The following LINGO2 variants were observed in gnomAD, a reference collection of about 807,000 sequenced individuals.
The protein encoded by LINGO2 is leucine-rich repeat and immunoglobulin-like domain-containing nogo receptor-interacting protein 2.
In LINGO2, 14 loss-of-function variants were observed where a neutral mutation model predicts 30.6. The observed-to-expected ratio is 0.46, with a 90% CI of 0.30 to 0.72. The LOEUF (loss-of-function observed/expected upper bound fraction) is 0.72. Among genes scored for constraint, LINGO2 ranks in the 30% least tolerant of loss-of-function variants. LINGO2 has a pLI of 0.07. For missense variants in LINGO2, 729 were observed against 751.7 expected, an observed-to-expected ratio of 0.97 and a Z score of 0.35; for synonymous variants, 317 against 288.5, an observed-to-expected ratio of 1.10 and a Z score of -1.00.
intron 4 of LINGO2, among the ~76,000 whole-genome samples, chr9:28,165,907 G>A (rs1828414367): frequency 6.6e-6 from 1 of 152,108 alleles, no homozygotes; most frequent in Non-Finnish European, 1.5e-5. Flanking sequence ...AAAGAGAAAA[G>A]GGGAGCTAAA....
At chr9:27,989,632 G>A (rs1414823230) in intron 5 of LINGO2, among the ~76,000 whole-genome samples, 2 of 151,922 alleles carry the variant, frequency 1.3e-5, no homozygotes. Flanking sequence ...ACTGCATTAT[G>A]ATTATGCACA....
At chr9:29,062,994 C>T in the LINGO2 span, among the ~76,000 whole-genome samples, 1 of 152,114 alleles carries the variant, frequency 6.6e-6, no homozygotes, top group Non-Finnish European at 1.5e-5. Flanking sequence ...CCCTACTGGA[C>T]ATCCTATATA....
intron 1 of LINGO2, among the ~76,000 whole-genome samples, chr9:28,555,866 C>A (rs1315682453): frequency 6.6e-6 from 1 of 152,002 alleles, no homozygotes; most frequent in African/African-American, 2.4e-5. Flanking sequence ...TAAATGTAAT[C>A]CAGCATATAA....
the LINGO2 span, among the ~76,000 whole-genome samples, chr9:28,788,110 G>T: frequency 6.6e-6 from 1 of 152,038 alleles, no homozygotes. Flanking sequence ...AAAGTGAAAA[G>T]ATATCACAAA....
chr9:28,694,346 T>C, the LINGO2 span, among the ~76,000 whole-genome samples: 4 of 152,020 alleles, frequency 2.6e-5, no homozygotes, highest in African/African-American at 9.7e-5. Context: ...TAATTCCTGG[T>C]TCATAAGTCA....
the LINGO2 span, among the ~76,000 whole-genome samples, chr9:28,968,217 C>T: frequency 3.9e-5 from 6 of 152,238 alleles, no homozygotes; most frequent in African/African-American, 1.4e-4. Flanking sequence ...ATCTTTTAGA[C>T]TTACAGAAAA....
At chr9:28,993,282 C>G in the LINGO2 span, among the ~76,000 whole-genome samples, 2 of 152,036 alleles carry the variant, frequency 1.3e-5, no homozygotes, top group Non-Finnish European at 2.9e-5. Context: ...TGGATAAATT[C>G]CTCGACACAT....
At chr9:28,867,155 T>C in the LINGO2 span, among the ~76,000 whole-genome samples, 1 of 152,120 alleles carries the variant, frequency 6.6e-6, no homozygotes, top group African/African-American at 2.4e-5. Flanking sequence ...TGACAAATGC[T>C]GCTGGTAAAC....
chr9:28,296,889 T>G (rs1823942994), intron 3 of LINGO2, among the ~76,000 whole-genome samples: 1 of 152,198 alleles, frequency 6.6e-6, no homozygotes, highest in Non-Finnish European at 1.5e-5. Flanking sequence ...CAAACTGTTT[T>G]TATTCATGCC....
intron 3 of LINGO2, among the ~76,000 whole-genome samples, chr9:28,299,873 T>C (rs1227827546): frequency 6.6e-6 from 1 of 152,116 alleles, no homozygotes; most frequent in Non-Finnish European, 1.5e-5. Context: ...TGGAAAAGCA[T>C]TTAAACCCAT....
the LINGO2 span, among the ~76,000 whole-genome samples, chr9:28,943,204 G>T: frequency 6.6e-6 from 1 of 152,138 alleles, no homozygotes; most frequent in Non-Finnish European, 1.5e-5. Context: ...TTAGTAGGGA[G>T]CATTCTTTGT....
At chr9:28,575,927 T>TACACACAC (rs3065641) in intron 1 of LINGO2, among the ~76,000 whole-genome samples, 2,608 of 149,492 alleles carry the variant, frequency 0.017, 37 homozygotes, top group African/African-American at 0.037. Context: ...AGCCTTGAAA[T>TACACACAC]ACACACACAC....
the LINGO2 span, among the ~76,000 whole-genome samples, chr9:29,102,538 G>T: frequency 2.6e-5 from 4 of 152,126 alleles, no homozygotes; most frequent in East Asian, 7.7e-4. Context: ...AGAACACATG[G>T]TGATTATAAG....
intron 1 of LINGO2, among the ~76,000 whole-genome samples, chr9:28,618,271 G>C (rs1826230228): frequency 6.6e-6 from 1 of 152,080 alleles, no homozygotes; most frequent in South Asian, 2.1e-4. Flanking sequence ...CACATATTCA[G>C]TGATCACGCC....
chr9:28,853,645 C>T, the LINGO2 span, among the ~76,000 whole-genome samples: 1 of 151,916 alleles, frequency 6.6e-6, no homozygotes, highest in Non-Finnish European at 1.5e-5. Context: ...AGGAAACTTA[C>T]AGTCATGGTG....
At chr9:27,947,481 T>C (rs965758013), downstream of LINGO2, among the ~76,000 whole-genome samples, 3 of 152,220 alleles carry the variant, frequency 2.0e-5, no homozygotes, top group Admixed American at 2.0e-4. Context: ...TAATCCACCT[T>C]GTTTTTTCTC....
At chr9:28,926,171 G>A in the LINGO2 span, among the ~76,000 whole-genome samples, 3,229 of 152,150 alleles carry the variant, frequency 0.021, 98 homozygotes, top group African/African-American at 0.072. Flanking sequence ...AAAATTAGCC[G>A]GGGACAGTGG....
the LINGO2 span, among the ~76,000 whole-genome samples, chr9:28,786,909 T>C: frequency 1.3e-5 from 2 of 152,178 alleles, no homozygotes; most frequent in African/African-American, 4.8e-5. Flanking sequence ...CAGAGTTTAA[T>C]TACTCAGGGC....
At chr9:29,081,680 A>G in the LINGO2 span, among the ~76,000 whole-genome samples, 3 of 152,158 alleles carry the variant, frequency 2.0e-5, 1 homozygote, top group Non-Finnish European at 4.4e-5. Flanking sequence ...TATTTAGAAA[A>G]CCCCATCGTC....
Sources: gnomAD v4.1 joint callset for allele counts (sites outside exome capture counted in the v4.1 genomes callset) on GRCh38, gnomAD v4.1.1 for gene constraint, MANE v1.5 for transcripts, NCBI Gene and HGNC (gene_info 2026-07-23, HGNC 2026-07-21) for gene names.